The following FCHSD2 variants were observed in gnomAD, a reference collection of about 807,000 sequenced individuals.
FCHSD2 encodes the protein FCH and double SH3 domains 2.
In FCHSD2, 38 loss-of-function variants were observed where a neutral mutation model predicts 108.1. The observed-to-expected ratio is 0.35, with a 90% CI of 0.27 to 0.46. The LOEUF is 0.46. FCHSD2 is among the 20% of genes least tolerant of loss of function. The pLI, the probability that FCHSD2 is intolerant of heterozygous loss-of-function variation, is 1.00. For synonymous variants in FCHSD2, 279 were observed against 314.7 expected (o/e 0.89, Z 1.20); for missense variants, 751 against 897.8 (o/e 0.84, Z 2.09).
chr11:72,993,731 G>A (rs1320126359), intron 5 of FCHSD2, among the ~76,000 whole-genome samples: 1 of 148,610 alleles, frequency 6.7e-6, no homozygotes, highest in Non-Finnish European at 1.5e-5. Context: ...ACACAGGAAG[G>A]GGAACATCAC....
At chr11:73,115,397 ATAGT>A (rs1175459575) in intron 2 of FCHSD2, among the ~76,000 whole-genome samples, 24 of 152,278 alleles carry the variant, frequency 1.6e-4, no homozygotes, top group Admixed American at 1.6e-3. Context: ...GTTAGCTAGG[ATAGT>A]CTCGTTCTCC....
At chr11:73,041,900 T>C (rs1858648608) in intron 3 of FCHSD2, among the ~76,000 whole-genome samples, 1 of 152,140 alleles carries the variant, frequency 6.6e-6, no homozygotes, top group African/African-American at 2.4e-5. Flanking sequence ...GGTCCTAGGT[T>C]TAAGTCTAAT....
chr11:72,838,881 A>G lies in FCHSD2; in HGVS notation c.2140-7T>C. 1.2e-6 allele frequency: 2 copies of G among 1,604,042 alleles called. No individual in the cohort carries two copies. Among genetic ancestry groups the G allele is most frequent in the Non-Finnish European group, 1.7e-6 (2 of 1,176,004 alleles). On this transcript the variant is annotated splice_polypyrimidine_tract_variant and splice_region_variant and intron_variant, in intron 19 of 19. Coordinates refer to ENST00000409418, the MANE Select transcript of FCHSD2 (RefSeq NM_014824.3). ...GAGGGGGAGCTGCCCGGACCTGAGC[A>G]GGAAACAATTACGTAGTTTGTCAGT...
intron 2 of FCHSD2, among the ~76,000 whole-genome samples, chr11:73,086,637 T>C (rs900996252): frequency 6.6e-6 from 1 of 152,162 alleles, no homozygotes; most frequent in African/African-American, 2.4e-5. Context: ...TGACAAACTT[T>C]ACCTAGGACT....
intron 10 of FCHSD2, among the ~76,000 whole-genome samples, chr11:72,898,944 C>T (rs1591379517): frequency 1.3e-5 from 2 of 151,808 alleles, no homozygotes; most frequent in African/African-American, 4.8e-5. Context: ...AGGGTTTCGC[C>T]GTGTTGCCCA....
intron 3 of FCHSD2, among the ~76,000 whole-genome samples, chr11:73,038,537 T>C (rs1858554949): frequency 6.6e-6 from 1 of 152,126 alleles, no homozygotes; most frequent in Non-Finnish European, 1.5e-5. Context: ...TGAAATCTTG[T>C]CCTTTGTAGC....
intron 5 of FCHSD2, among the ~76,000 whole-genome samples, chr11:72,992,075 A>G (rs1054613514): frequency 6.6e-6 from 1 of 152,216 alleles, no homozygotes; most frequent in African/African-American, 2.4e-5. Context: ...TCAGGATACA[A>G]AATCAATGTG....
intron 9 of FCHSD2, among the ~76,000 whole-genome samples, chr11:72,918,799 C>T (rs187625768): frequency 4.5e-4 from 68 of 152,114 alleles, no homozygotes; most frequent in South Asian, 3.7e-3. Context: ...AATTGGAAGG[C>T]ATTTCCTTAT....
intron 14 of FCHSD2, among the ~76,000 whole-genome samples, chr11:72,847,685 C>G (rs1591337359): frequency 6.8e-6 from 1 of 146,294 alleles, no homozygotes; most frequent in Non-Finnish European, 1.5e-5. Context: ...GCTTTTGACT[C>G]TAACCTTTTT....
intron 9 of FCHSD2, among the ~76,000 whole-genome samples, chr11:72,916,049 T>C (rs1468117498): frequency 2.0e-5 from 3 of 152,000 alleles, no homozygotes; most frequent in Admixed American, 2.0e-4. Flanking sequence ...CACTAGGGCC[T>C]ACCAGAGGGT....
intron 8 of FCHSD2, among the ~76,000 whole-genome samples, chr11:72,954,543 G>A (rs755023366): frequency 4.6e-5 from 7 of 152,026 alleles, no homozygotes; most frequent in Non-Finnish European, 1.0e-4. Context: ...TTAATGGGAT[G>A]AATGAGGGGT....
chr11:72,985,006 C>A, intron 7 of FCHSD2, 56 bp downstream of exon 7: 1 of 731,928 alleles, frequency 1.4e-6, no homozygotes, highest in Non-Finnish European at 2.4e-6. Flanking sequence ...ATCCAATTCT[C>A]TGTTTTACAA....
At chr11:73,059,697 A>C (rs2135486308) in intron 3 of FCHSD2, among the ~76,000 whole-genome samples, 1 of 152,272 alleles carries the variant, frequency 6.6e-6, no homozygotes, top group African/African-American at 2.4e-5. Flanking sequence ...ATTTTACTAA[A>C]AATTTTCTGT....
rs571368758 is a variant in FCHSD2, at chr11:73,089,971, TG to T, written c.120-6232del. On this transcript the variant is annotated intron_variant, in intron 2 of 19. Transcript: ENST00000409418. ...TAAAGTAACAGTAATTAAAATAGCT[TG>T]GTAATGGAACATAAGTAGACAGAGA... Among the ~76,000 whole-genome samples the T allele has an allele frequency of 2.1e-3, 321 of 152,192 alleles. 3 individuals carry two copies. The highest frequency in any genetic ancestry group is 0.012 in the Admixed American group (178 of 15,286).
At chr11:72,951,588 C>T (rs886544032) in intron 8 of FCHSD2, among the ~76,000 whole-genome samples, 2 of 152,094 alleles carry the variant, frequency 1.3e-5, no homozygotes, top group African/African-American at 4.8e-5. Flanking sequence ...CTTGCCTTTG[C>T]TAGAATCCTT....
intron 3 of FCHSD2, among the ~76,000 whole-genome samples, chr11:73,075,302 G>C (rs1465374762): frequency 6.6e-6 from 1 of 152,170 alleles, no homozygotes; most frequent in East Asian, 1.9e-4. Flanking sequence ...CCATTCCTTA[G>C]GTAAATACCC....
chr11:72,870,020 ACCC>A (rs1446787332), intron 12 of FCHSD2, among the ~76,000 whole-genome samples: 1 of 151,460 alleles, frequency 6.6e-6, no homozygotes. Context: ...CTATGCTCCC[ACCC>A]CACTGTCCCA....
chr11:73,130,030 G>A (rs1003151653), intron 2 of FCHSD2, among the ~76,000 whole-genome samples: 17 of 151,548 alleles, frequency 1.1e-4, no homozygotes, highest in African/African-American at 4.1e-4. Flanking sequence ...CCAGGCACCC[G>A]CCACCACGCC....
intron 14 of FCHSD2, among the ~76,000 whole-genome samples, chr11:72,847,849 C>T (rs1280403271): frequency 4.6e-5 from 7 of 151,978 alleles, no homozygotes; most frequent in Non-Finnish European, 7.4e-5. Flanking sequence ...CCCGCCACCA[C>T]GCCCAGCTAA....
Sources: allele counts gnomAD v4.1 joint callset (sites outside exome capture counted in the v4.1 genomes callset), GRCh38; gene constraint gnomAD v4.1.1; transcripts MANE v1.5; gene names NCBI Gene and HGNC (gene_info 2026-07-23, HGNC 2026-07-21).